DNAH9: variants seen among roughly 807,000 people sequenced by gnomAD.
The protein encoded by DNAH9 is DNAH9 variant protein.
In DNAH9, 345 loss-of-function variants were observed where a neutral mutation model predicts 471.6. The ratio of observed to expected loss-of-function variants is 0.73; its 90% confidence interval spans 0.67 to 0.80. The LOEUF (loss-of-function observed/expected upper bound fraction) is 0.80. DNAH9 is among the 30% of genes least tolerant of loss of function. The probability of loss-of-function intolerance (pLI) is 0.00; values close to 1 mark genes in which losing one functional copy is unlikely to be tolerated. For synonymous variants in DNAH9, 2,093 were observed against 2,123.6 expected, an observed-to-expected ratio of 0.99 and a Z score of 0.40; for missense variants, 5,407 against 5,609.2, an observed-to-expected ratio of 0.96 and a Z score of 1.15.
At chr17:11,965,611 C>T (rs1273783883) in intron 68 of DNAH9, among the ~76,000 whole-genome samples, 1 of 152,140 alleles carries the variant, frequency 6.6e-6, no homozygotes, top group African/African-American at 2.4e-5. Context: ...GCAATCAACG[C>T]AAACTATTCC....
At chr17:11,736,918 C>T (rs1308691980) in intron 28 of DNAH9, among the ~76,000 whole-genome samples, 7 of 152,328 alleles carry the variant, frequency 4.6e-5, no homozygotes, top group Middle Eastern at 3.4e-3. Context: ...CTTGCTTTCC[C>T]ACTCCCTAAT....
At position 11,744,864 on chromosome 17, in the gene DNAH9, G is replaced by A; in HGVS notation, c.6179G>A (p.Gly2060Glu). The change falls in exon 31 of 69, where the codon GGA becomes GAA. Residue 2060 changes from glycine (G) to glutamate (E), a missense_variant. Gly to Glu is a moderately conservative substitution (Grantham distance 98). This residue lies in a region of DNAH9 where 4,636 missense variants were observed against 4,900.3 expected (regional missense o/e 0.95). Coordinates refer to ENST00000262442, the MANE Select transcript of DNAH9 (RefSeq NM_001372.4). ...GTGGTGGCAGGATCCCTGAAGAGAGGAGACCCTGACCGGCCTGAGGACCAG... is the reference window on the plus strand; with the variant it reads ...GTGGTGGCAGGATCCCTGAAGAGAGAAGACCCTGACCGGCCTGAGGACCAG... ...VLVVAGSLKR[G>E]DPDRPEDQVL... 6.2e-7 allele frequency: 1 copy of A among 1,614,206 alleles called. No homozygotes were observed. Among genetic ancestry groups the A allele is most frequent in the Non-Finnish European group, 8.5e-7 (1 of 1,180,038 alleles).
chr17:11,783,897 A>G, intron 40 of DNAH9, 149 bp downstream of exon 40: 4 of 656,660 alleles, frequency 6.1e-6, no homozygotes, highest in Non-Finnish European at 1.0e-5. Flanking sequence ...CTCTAGGGGA[A>G]AAGAGAAACT....
intron 61 of DNAH9, among the ~76,000 whole-genome samples, chr17:11,916,795 A>T (rs1013839686): frequency 6.6e-6 from 1 of 152,170 alleles, no homozygotes; most frequent in Non-Finnish European, 1.5e-5. Context: ...GTAGAGTTTT[A>T]AAACCCCTAG....
chr17:11,608,024 T>C (rs1197387594), intron 1 of DNAH9, 105 bp from the exon 2 acceptor site: 3 of 823,048 alleles, frequency 3.6e-6, no homozygotes, highest in Admixed American at 4.9e-5. Flanking sequence ...CACAGTGACC[T>C]GCAAAAGGTT....
intron 19 of DNAH9, among the ~76,000 whole-genome samples, chr17:11,688,236 G>C (rs947927115): frequency 2.0e-5 from 3 of 152,070 alleles, no homozygotes; most frequent in African/African-American, 7.2e-5. Flanking sequence ...AGCAGTTTCA[G>C]GTGCTTGCAT....
rs968110304 is a variant in DNAH9, at chr17:11,889,371, A to G, written c.11112+2406A>G. ...TACTTTAATTGGTTGCCAACATTTA[A>G]AAATGAGGAGAAGTTATGTAAGTTC... On this transcript the variant is annotated intron_variant, in intron 57 of 68. Coordinates refer to ENST00000262442, the MANE Select transcript of DNAH9 (RefSeq NM_001372.4). 2.0e-5 allele frequency among the ~76,000 whole-genome samples: 3 copies of G among 152,244 alleles called. No homozygotes were observed. In the East Asian group the frequency reaches 5.8e-4, roughly 29 times the overall value.
At position 11,793,569 on chromosome 17, in the gene DNAH9, G is replaced by A. The variant is rs375772315; in HGVS notation, c.8128G>A (p.Glu2710Lys). 2 of 1,613,804 alleles carry A rather than the reference G, an allele frequency of 1.2e-6. No homozygotes were observed. The highest frequency in any genetic ancestry group is 4.5e-5 in the East Asian group (2 of 44,884). ...GGATCTTATAAGGCTCTATCTGCAT[G>A]AATCAAATCGAGTTTATCGGGATAA... Reference protein sequence around the residue: ...TWDLIRLYLHESNRVYRDKMV... With the variant: ...TWDLIRLYLHKSNRVYRDKMV... Residue 2710 changes from glutamate (E) to lysine (K), a missense_variant, in exon 42 of 69, where the codon GAA (glutamate) becomes AAA (lysine). Coordinates refer to ENST00000262442, the MANE Select transcript of DNAH9 (RefSeq NM_001372.4).
intron 11 of DNAH9, among the ~76,000 whole-genome samples, chr17:11,646,004 C>T (rs955589437): frequency 2.0e-4 from 31 of 151,766 alleles, no homozygotes; most frequent in African/African-American, 7.3e-4. Flanking sequence ...CTCAGCCACC[C>T]GAGTAGCTGG....
intron 61 of DNAH9, among the ~76,000 whole-genome samples, chr17:11,914,050 T>A (rs919917949): frequency 5.3e-5 from 8 of 152,162 alleles, no homozygotes; most frequent in Non-Finnish European, 1.2e-4. Flanking sequence ...TGTAAATATA[T>A]CATTCACTGC....
At chr17:11,874,840 T>C in intron 52 of DNAH9, 109 bp from the exon 53 acceptor site, 3 of 794,988 alleles carry the variant, frequency 3.8e-6, no homozygotes, top group Non-Finnish European at 6.3e-6. Flanking sequence ...CAGTGGGATG[T>C]TGATCTTGCT....
At position 11,694,444 on chromosome 17, in the gene DNAH9, A is replaced by G. The variant is rs776073065; in HGVS notation, c.4869A>G (p.Gln1623=). The G allele has an allele frequency of 1.2e-6, 2 of 1,612,926 alleles. No individual in the cohort carries two copies. Among genetic ancestry groups the G allele is most frequent in the Admixed American group, 1.7e-5 (1 of 59,870 alleles). ...TCCTTTCCAACGGCACAGCTCCACA[A>G]CAGGTAAGCTGGAGGAGCATCTGCA... is the stretch of plus-strand genomic sequence containing the variant. The part of the protein sequence containing the change: ...LDILSNGTAP[Q]QVQRHLSKLF... Residue 1623 remains glutamine (Q), a synonymous_variant, in exon 22 of 69, where the codon CAA becomes CAG. Coordinates refer to ENST00000262442, the MANE Select transcript of DNAH9 (RefSeq NM_001372.4).
intron 26 of DNAH9, among the ~76,000 whole-genome samples, chr17:11,715,738 CA>C (rs2074948587): frequency 6.6e-6 from 1 of 152,184 alleles, no homozygotes; most frequent in Admixed American, 6.5e-5. Context: ...AATGCAATGT[CA>C]TGGATCTTAA....
intron 42 of DNAH9, among the ~76,000 whole-genome samples, chr17:11,795,632 AC>A (rs1969214079): frequency 6.6e-6 from 1 of 152,156 alleles, no homozygotes; most frequent in Non-Finnish European, 1.5e-5. Flanking sequence ...GATGTTTGAG[AC>A]CCTCATGTTA....
At chr17:11,654,919 G>A (rs185892887) in intron 14 of DNAH9, among the ~76,000 whole-genome samples, 78 of 152,140 alleles carry the variant, frequency 5.1e-4, no homozygotes, top group African/African-American at 1.7e-3. Context: ...ACAACCTCCA[G>A]GGTAGTCATA....
At position 11,745,065 on chromosome 17, in the gene DNAH9, A is replaced by C; in HGVS notation, c.6380A>C (p.Glu2127Ala). 2 of 1,613,218 alleles carry C rather than the reference A, an allele frequency of 1.2e-6. No homozygotes were observed. The highest frequency in any genetic ancestry group is 1.7e-6 in the Non-Finnish European group (2 of 1,179,332). Residue 2127 changes from glutamate to alanine, a missense_variant, in exon 31 of 69, where the codon GAG (glutamate) becomes GCG (alanine). Physicochemically the swap from Glu to Ala is moderately radical, Grantham distance 107. Coordinates refer to ENST00000262442, the MANE Select transcript of DNAH9 (RefSeq NM_001372.4). ...ATAGTGGATCTGAAGCTCCAGGCTG[A>C]GGACAACTTTGTGCTCAAGGTACAT... ...KAIVDLKLQA[E>A]DNFVLKVVQL...
At chr17:11,622,523 C>T (rs571426981) in intron 6 of DNAH9, among the ~76,000 whole-genome samples, 9 of 152,032 alleles carry the variant, frequency 5.9e-5, no homozygotes, top group Admixed American at 1.3e-4. Flanking sequence ...GGGCTGACCA[C>T]GAAGAACGAA....
chr17:11,664,681 C>T (rs974749656), intron 14 of DNAH9, 152 bp from the exon 15 acceptor site: 5 of 655,878 alleles, frequency 7.6e-6, no homozygotes, highest in East Asian at 5.5e-5. Context: ...TGGTAATACT[C>T]ATTAGGCAGA....
Position 11,719,557 on chromosome 17 carries a change from C to G in DNAH9, c.5709+67C>G, listed in dbSNP as rs532503233. On this transcript the variant is annotated intron_variant, in intron 27 of 68. Coordinates refer to ENST00000262442, the MANE Select transcript of DNAH9 (RefSeq NM_001372.4). Reference sequence around the variant, plus strand: ...AGGAACTCAGGGCACCAAATCAAGGCTAAGACGCATCCGTGCCACCCTGAC... The same window carrying G: ...AGGAACTCAGGGCACCAAATCAAGGGTAAGACGCATCCGTGCCACCCTGAC... The G allele has an allele frequency of 2.0e-5, 29 of 1,478,598 alleles. No individual in the cohort carries two copies. The East Asian group carries it at 3.2e-4, about 16-fold the overall frequency. The allele number at this position is 1,478,598 out of a possible 1,614,324, so 91.6% of individuals were successfully genotyped here. A position where few individuals can be genotyped will look rare whatever the true frequency, so the allele number is the denominator to read the frequency against.
Sources: allele counts gnomAD v4.1 joint callset (sites outside exome capture counted in the v4.1 genomes callset), GRCh38; gene constraint gnomAD v4.1.1; regional missense constraint gnomAD v4.1.1; transcripts MANE v1.5; gene names NCBI Gene and HGNC (gene_info 2026-07-23, HGNC 2026-07-21).